The following CLVS1 variants were observed in gnomAD, a reference collection of about 807,000 sequenced individuals.
The protein encoded by CLVS1 is clavesin-1.
CLVS1 carries 10 observed loss-of-function variants against 33.1 expected under a neutral mutation model. The observed-to-expected ratio is 0.30, with a 90% CI of 0.19 to 0.51. The LOEUF is 0.51. Among genes scored for constraint, CLVS1 ranks in the 20% least tolerant of loss-of-function variants. The pLI is 0.97. For missense variants in CLVS1, 343 were observed against 433.4 expected (o/e 0.79, Z 1.85); for synonymous variants, 163 against 166.1 (o/e 0.98, Z 0.14).
At chr8:61,430,232 G>A (rs979692269) in intron 3 of CLVS1, among the ~76,000 whole-genome samples, 1 of 152,124 alleles carries the variant, frequency 6.6e-6, no homozygotes, top group Non-Finnish European at 1.5e-5. Flanking sequence ...ACACCTTTAT[G>A]AATCATAGAT....
the CLVS1 span, among the ~76,000 whole-genome samples, chr8:60,995,260 C>G: frequency 6.6e-6 from 1 of 151,968 alleles, no homozygotes; most frequent in African/African-American, 2.4e-5. Flanking sequence ...GCAACCTACT[C>G]ATCTGACAAA....
rs140505090 is a variant in CLVS1, at chr8:61,288,472, A to G, written c.-152+334A>G. On this transcript the variant is annotated intron_variant, in intron 1 of 5. Coordinates refer to ENST00000325897, the MANE Select transcript of CLVS1 (RefSeq NM_173519.3). ...AGACAAAGCCCGAGGTCCGCAGGGC[A>G]GAGGGAAAGAGCTCAAGTTGACAGG... 2.3e-3 allele frequency among the ~76,000 whole-genome samples: 347 copies of G among 152,360 alleles called. 2 individuals are homozygous for G. Among genetic ancestry groups the G allele is most frequent in the Non-Finnish European group, 3.5e-3 (241 of 68,032 alleles).
At chr8:61,004,914 G>T in the CLVS1 span, among the ~76,000 whole-genome samples, 1 of 152,018 alleles carries the variant, frequency 6.6e-6, no homozygotes, top group East Asian at 1.9e-4. Flanking sequence ...TGTCGGGAAA[G>T]GTGTTTTTTG....
chr8:61,344,456 A>G (rs540215667), intron 2 of CLVS1, among the ~76,000 whole-genome samples: 1 of 152,330 alleles, frequency 6.6e-6, no homozygotes, highest in South Asian at 2.1e-4. Flanking sequence ...ATACCTCTTT[A>G]ATTCAGTAGG....
intron 2 of CLVS1, among the ~76,000 whole-genome samples, chr8:61,198,666 C>T (rs901807279): frequency 6.6e-6 from 1 of 152,206 alleles, no homozygotes. Context: ...AGGCGTGAGC[C>T]ACTTATCTCA....
chr8:60,983,222 C>T, the CLVS1 span, among the ~76,000 whole-genome samples: 1 of 152,204 alleles, frequency 6.6e-6, no homozygotes, highest in Non-Finnish European at 1.5e-5. Context: ...ATAAGCAACA[C>T]TGGAATTCTG....
chr8:61,471,455 T>A (rs528061780), intron 5 of CLVS1, among the ~76,000 whole-genome samples: 1 of 152,320 alleles, frequency 6.6e-6, no homozygotes, highest in African/African-American at 2.4e-5. Context: ...TGATTATGCA[T>A]GGTGGCTTGA....
At chr8:61,298,210 G>A (rs1336593832) in intron 1 of CLVS1, among the ~76,000 whole-genome samples, 1 of 152,040 alleles carries the variant, frequency 6.6e-6, no homozygotes, top group African/African-American at 2.4e-5. Flanking sequence ...CATCAGGTGG[G>A]CATTGAGCTA....
chr8:61,052,732 C>T (rs1342287316), upstream of CLVS1, among the ~76,000 whole-genome samples: 1 of 152,108 alleles, frequency 6.6e-6, no homozygotes, highest in Non-Finnish European at 1.5e-5. Context: ...TGGCGTGGGG[C>T]TCTGAGGGCT....
intron 2 of CLVS1, among the ~76,000 whole-genome samples, chr8:61,252,372 G>A (rs185563044): frequency 1.6e-4 from 25 of 152,272 alleles, no homozygotes; most frequent in Non-Finnish European, 1.5e-5. Context: ...ATGATGAGGT[G>A]CTGAGAAGAA....
At chr8:61,429,923 A>G (rs1169466920) in intron 3 of CLVS1, among the ~76,000 whole-genome samples, 1 of 152,212 alleles carries the variant, frequency 6.6e-6, no homozygotes, top group Non-Finnish European at 1.5e-5. Flanking sequence ...TGGCCCTTAA[A>G]TTCCCAAAGC....
chr8:61,062,559 T>C (rs568406594), intron 1 of CLVS1, among the ~76,000 whole-genome samples: 1 of 152,354 alleles, frequency 6.6e-6, no homozygotes, highest in East Asian at 1.9e-4. Flanking sequence ...TTACCTGTTT[T>C]CATTGAGGGC....
At chr8:61,195,299 GGAGA>G (rs138426810) in intron 2 of CLVS1, among the ~76,000 whole-genome samples, 1 of 150,508 alleles carries the variant, frequency 6.6e-6, no homozygotes, top group African/African-American at 2.4e-5. Flanking sequence ...AGAGATTGGG[GGAGA>G]GAGAGAGAGA....
At chr8:61,366,411 ATGGCCC>A (rs1563518767) in intron 2 of CLVS1, among the ~76,000 whole-genome samples, 1 of 152,220 alleles carries the variant, frequency 6.6e-6, no homozygotes, top group Admixed American at 6.5e-5. Flanking sequence ...GAATGCAGGC[ATGGCCC>A]TCTCCTAAAC....
chr8:61,111,200 CA>C (rs1216888220), intron 1 of CLVS1, among the ~76,000 whole-genome samples: 1 of 152,126 alleles, frequency 6.6e-6, no homozygotes, highest in Admixed American at 6.5e-5. Flanking sequence ...AGAGTGTTTT[CA>C]GATATTGATA....
chr8:61,233,509 C>CA (rs35418716), intron 2 of CLVS1, among the ~76,000 whole-genome samples: 12,024 of 96,944 alleles, frequency 0.12, 699 homozygotes, highest in Middle Eastern at 0.21. Context: ...GACTCTGTAT[C>CA]AAAAAAAAAA....
chr8:60,967,460 G>T, the CLVS1 span: 1 of 331,716 alleles, frequency 3.0e-6, no homozygotes, highest in South Asian at 2.2e-5. Flanking sequence ...AACGGAAGCC[G>T]CATAGAGACA....
At chr8:61,083,131 C>T (rs1013034529) in intron 1 of CLVS1, among the ~76,000 whole-genome samples, 3 of 152,006 alleles carry the variant, frequency 2.0e-5, no homozygotes, top group Non-Finnish European at 4.4e-5. Context: ...AAAACAGAAT[C>T]TATGTAAAGA....
At chr8:61,403,227 T>C (rs1032556490) in intron 3 of CLVS1, among the ~76,000 whole-genome samples, 2 of 152,176 alleles carry the variant, frequency 1.3e-5, no homozygotes, top group African/African-American at 4.8e-5. Flanking sequence ...ATTCACAGAA[T>C]AGCAAGGAAG....
Sources: gnomAD v4.1 joint callset for allele counts (sites outside exome capture counted in the v4.1 genomes callset) on GRCh38, gnomAD v4.1.1 for gene constraint, MANE v1.5 for transcripts, NCBI Gene and HGNC (gene_info 2026-07-23, HGNC 2026-07-21) for gene names.